MAN2B2: variants seen among roughly 807,000 people sequenced by gnomAD.
MAN2B2 encodes the protein mannosidase alpha class 2B member 2, also known as epididymis-specific alpha-mannosidase.
A neutral mutation model predicts 117.1 loss-of-function variants in MAN2B2; 106 were observed. The observed-to-expected ratio is 0.90, with a 90% CI of 0.77 to 1.06. The LOEUF (loss-of-function observed/expected upper bound fraction) is 1.06. MAN2B2 is among the 50% of genes least tolerant of loss of function. The pLI is 0.00. For missense variants in MAN2B2, 1,326 were observed against 1,381.4 expected (o/e 0.96, Z 0.64); for synonymous variants, 544 against 595.1 (o/e 0.91, Z 1.25).
intron 3 of MAN2B2, among the ~76,000 whole-genome samples, chr4:6,586,543 A>C (rs1726640210): frequency 6.6e-6 from 1 of 152,200 alleles, no homozygotes; most frequent in South Asian, 2.1e-4. Flanking sequence ...CGCAGAGTGA[A>C]ATACGCCAGT....
rs754354366 is a variant in MAN2B2, at chr4:6,609,913, C to T, written c.2122C>T (p.Pro708Ser). 20 of 1,614,164 alleles carry T rather than the reference C, an allele frequency of 1.2e-5. No individual in the cohort carries two copies. In the South Asian group the frequency reaches 2.2e-4, roughly 18 times the overall value. ...HRIEQEYQAG[P>S]LELNREAVLR... ...GATAGAGCAGGAGTACCAAGCCGGC[C>T]CCCTGGAGCTGAACCGTGAGGCTGT... is the stretch of plus-strand genomic sequence containing the variant. The change falls in exon 13 of 19, where the codon CCC (proline) becomes TCC (serine). Residue 708 changes from proline to serine, a missense_variant. Pro to Ser is a moderately conservative substitution (Grantham distance 74). Transcript: ENST00000285599.
At chr4:6,606,004 G>A (rs1727532131) in intron 11 of MAN2B2, among the ~76,000 whole-genome samples, 1 of 152,202 alleles carries the variant, frequency 6.6e-6, no homozygotes, top group Admixed American at 6.5e-5. Context: ...AAGACCTCGT[G>A]GCTGGTTTAT....
chr4:6,612,546 G>A (rs537684583), intron 15 of MAN2B2, among the ~76,000 whole-genome samples: 54 of 152,362 alleles, frequency 3.5e-4, no homozygotes, highest in African/African-American at 1.1e-3. Flanking sequence ...GCAGCTCTAG[G>A]CATATCAGGA....
At chr4:6,619,647 G>C in intron 17 of MAN2B2, 1 of 358,088 alleles carries the variant, frequency 2.8e-6, no homozygotes, top group Non-Finnish European at 5.3e-6. Flanking sequence ...GGGGTGGGCA[G>C]CTCAAAATGC....
At position 6,576,720 on chromosome 4, in the gene MAN2B2, AC is replaced by A; in HGVS notation, c.283del (p.Gln95ArgfsTer25). The A allele has an allele frequency of 6.2e-7, 1 of 1,613,846 alleles. No homozygotes were observed. The highest frequency in any genetic ancestry group is 8.5e-7 in the Non-Finnish European group (1 of 1,179,916). On this transcript the variant is annotated frameshift_variant, in exon 2 of 19. Coordinates refer to ENST00000285599, the MANE Select transcript of MAN2B2 (RefSeq NM_015274.3). LOFTEE classifies it high-confidence loss of function. Reference protein sequence around the residue: ...WDGVASDQQKYQVRQLLEEGR... With the variant: ...WDGVASDQQKXQVRQLLEEGR... ...GGCGTCGCCTCGGACCAGCAGAAAT[AC>A]CAGGTAATGAGGTCACCAGGTGACA...
Position 6,623,044 on chromosome 4 carries a change from A to G in MAN2B2, c.*1759A>G, listed in dbSNP as rs4435813. On this transcript the variant is annotated 3_prime_UTR_variant, in exon 19 of 19. Transcript: ENST00000285599. ...CCCTTTAGAGCATGTGGGCTGCATGAGGCTTGGTTTCTGTGTCAAGAAGAC... is the reference window on the plus strand; with the variant it reads ...CCCTTTAGAGCATGTGGGCTGCATGGGGCTTGGTTTCTGTGTCAAGAAGAC... The G allele has an allele frequency of 0.99, 150,217 of 151,888 alleles. 74,348 individuals carry two copies. The highest frequency in any genetic ancestry group is 1 in the East Asian group (5,140 of 5,140). 9.4% of individuals were successfully genotyped at this position (151,888 alleles called of 1,614,324 possible). A position where few individuals can be genotyped will look rare whatever the true frequency, so the allele number is the denominator to read the frequency against.
intron 11 of MAN2B2, among the ~76,000 whole-genome samples, chr4:6,607,823 G>A (rs754662575): frequency 2.0e-5 from 3 of 152,146 alleles, no homozygotes; most frequent in African/African-American, 4.8e-5. Context: ...TTTCCAAAGC[G>A]GCTGCACCAT....
intron 5 of MAN2B2, 91 bp downstream of exon 5, chr4:6,589,251 G>A (rs1726767463): frequency 8.8e-6 from 9 of 1,020,442 alleles, no homozygotes; most frequent in Non-Finnish European, 1.4e-5. Context: ...TTTGTTTATT[G>A]GTTTTAAGAC....
chr4:6,601,316 C>A (rs1284410546), intron 10 of MAN2B2, among the ~76,000 whole-genome samples: 3 of 152,144 alleles, frequency 2.0e-5, no homozygotes, highest in Non-Finnish European at 4.4e-5. Flanking sequence ...CCATCCTGGC[C>A]AACATGGGGA....
Position 6,617,361 on chromosome 4 carries a change from C to T in MAN2B2, c.2702-19C>T, listed in dbSNP as rs1387461851. ...GGTTGATGAGGGTCTTCACTGCCAC[C>T]TTCCTTCTGTCCCCAAAGGCCATCG... is the stretch of plus-strand genomic sequence containing the variant. On this transcript the variant is annotated intron_variant, in intron 16 of 18. Transcript: ENST00000285599. The T allele has an allele frequency of 5.0e-6, 8 of 1,609,014 alleles. No homozygotes were observed. Among genetic ancestry groups the T allele is most frequent in the Non-Finnish European group, 6.0e-6 (7 of 1,175,966 alleles).
chr4:6,589,301 C>T (rs970682342), intron 5 of MAN2B2, 141 bp downstream of exon 5: 57 of 631,098 alleles, frequency 9.0e-5, no homozygotes, highest in Non-Finnish European at 1.3e-4. Flanking sequence ...AGTGCAGTAG[C>T]GCAATCTTGG....
intron 4 of MAN2B2, among the ~76,000 whole-genome samples, chr4:6,587,438 A>G (rs1196716202): frequency 6.6e-6 from 1 of 152,144 alleles, no homozygotes; most frequent in African/African-American, 2.4e-5. Context: ...GCTGGGCCTG[A>G]GGCGGGGCTG....
At chr4:6,594,951 C>T (rs1577282034) in intron 7 of MAN2B2, among the ~76,000 whole-genome samples, 3 of 152,240 alleles carry the variant, frequency 2.0e-5, no homozygotes, top group African/African-American at 7.2e-5. Flanking sequence ...CCACAGGGTT[C>T]AGCCTCTCAC....
chr4:6,616,053 C>T (rs1443964737), intron 16 of MAN2B2, among the ~76,000 whole-genome samples: 1 of 152,146 alleles, frequency 6.6e-6, no homozygotes, highest in African/African-American at 2.4e-5. Context: ...ATCCGCCCTC[C>T]TTGGCCTCCC....
rs541153655 is a variant in MAN2B2 at position 6,617,309 on chromosome 4, C to T, written c.2702-71C>T. The T allele has an allele frequency of 3.5e-4, 403 of 1,151,046 alleles. 1 individual carries two copies. The highest frequency in any genetic ancestry group is 4.6e-4 in the Non-Finnish European group (357 of 771,842). 71.3% of individuals were successfully genotyped at this position (1,151,046 alleles called of 1,614,324 possible). Reference sequence around the variant, plus strand: ...AAATGGAGCTGAGTGTGTAAAGCAGCGGGTATAGACCAGGGACATTGGGGT... The same window carrying T: ...AAATGGAGCTGAGTGTGTAAAGCAGTGGGTATAGACCAGGGACATTGGGGT... On this transcript the variant is annotated intron_variant, in intron 16 of 18. Coordinates refer to ENST00000285599, the MANE Select transcript of MAN2B2 (RefSeq NM_015274.3).
intron 17 of MAN2B2, 177 bp downstream of exon 17, chr4:6,617,669 C>G: frequency 7.6e-7 from 1 of 1,312,164 alleles, no homozygotes. Flanking sequence ...TACAACTGGC[C>G]TGGTTTTTTA....
intron 16 of MAN2B2, among the ~76,000 whole-genome samples, chr4:6,616,118 A>C (rs1463394800): frequency 6.6e-6 from 1 of 151,940 alleles, no homozygotes; most frequent in African/African-American, 2.4e-5. Context: ...TTTTTTTTTT[A>C]ATACTGATGC....
rs543935733 is a variant in MAN2B2, at chr4:6,586,380, C to T, written c.392-616C>T. 2.3e-4 allele frequency among the ~76,000 whole-genome samples: 35 copies of T among 152,316 alleles called. 1 individual carries two copies. Among genetic ancestry groups the T allele is most frequent in the African/African-American group, 6.0e-4 (25 of 41,584 alleles). ...TGGCCTTGGACGTCTTTTGAACCAC[C>T]GCACACTTAGGTTTGAAGTTCACCT... On this transcript the variant is annotated intron_variant, in intron 3 of 18. Transcript: ENST00000285599.
intron 11 of MAN2B2, among the ~76,000 whole-genome samples, chr4:6,606,920 G>C (rs1727571964): frequency 6.6e-6 from 1 of 152,196 alleles, no homozygotes; most frequent in Admixed American, 6.5e-5. Context: ...TGTTCCTTAT[G>C]TAACAGCTTG....
Sources: allele counts gnomAD v4.1 joint callset (sites outside exome capture counted in the v4.1 genomes callset), GRCh38; gene constraint gnomAD v4.1.1; transcripts MANE v1.5; gene names NCBI Gene and HGNC (gene_info 2026-07-23, HGNC 2026-07-21).